The following KCNH5 variants were observed in gnomAD, a reference collection of about 807,000 sequenced individuals.
KCNH5 encodes voltage-gated delayed rectifier potassium channel KCNH5.
KCNH5 carries 46 observed loss-of-function variants against 96.1 expected under a neutral mutation model. The observed-to-expected ratio is 0.48, with a 90% CI of 0.38 to 0.61. The LOEUF (loss-of-function observed/expected upper bound fraction) is 0.61. KCNH5 is among the 20% of genes least tolerant of loss of function. The pLI, the probability that KCNH5 is intolerant of heterozygous loss-of-function variation, is 0.00. For synonymous variants in KCNH5, 439 were observed against 449.8 expected (o/e 0.98, Z 0.30); for missense variants, 907 against 1,225.8 (o/e 0.74, Z 3.88).
At position 62,699,844 on chromosome 14, in the gene KCNH5, AG is replaced by A. The variant is rs1398407033; in HGVS notation, c.*7663del. The A allele has an allele frequency of 1.1e-4, 17 of 152,210 alleles. No homozygotes were observed. The highest frequency in any genetic ancestry group is 2.9e-5 in the Non-Finnish European group (2 of 68,022). The allele number at this position is 152,210 out of a possible 1,614,324, so 9.4% of individuals were successfully genotyped here. A position where few individuals can be genotyped will look rare whatever the true frequency, so the allele number is the denominator to read the frequency against. ...CAGTATCTTTGTTTAAGTAGAAAAA[AG>A]GATCTGCTTAGCATGAATCAGATTT... On this transcript the variant is annotated 3_prime_UTR_variant, in exon 11 of 11. Transcript: ENST00000322893.
At chr14:62,716,838 AG>A (rs1245794812) in intron 10 of KCNH5, among the ~76,000 whole-genome samples, 1 of 152,212 alleles carries the variant, frequency 6.6e-6, no homozygotes, top group Non-Finnish European at 1.5e-5. Flanking sequence ...TATCCAGAAT[AG>A]AAAGGAAGAA....
chr14:62,856,139 T>C (rs1057259029), intron 7 of KCNH5, among the ~76,000 whole-genome samples: 2 of 152,226 alleles, frequency 1.3e-5, no homozygotes, highest in African/African-American at 2.4e-5. Context: ...AGAAAAATCA[T>C]GTTAAGCTAA....
At chr14:62,961,709 G>T (rs561039186) in intron 6 of KCNH5, among the ~76,000 whole-genome samples, 8 of 152,254 alleles carry the variant, frequency 5.3e-5, no homozygotes, top group African/African-American at 1.7e-4. Flanking sequence ...TGGAGATGGA[G>T]ATATGGAAAT....
At chr14:63,016,260 A>G (rs1437057882) in intron 2 of KCNH5, among the ~76,000 whole-genome samples, 1 of 151,772 alleles carries the variant, frequency 6.6e-6, no homozygotes, top group Non-Finnish European at 1.5e-5. Context: ...TTTTTTCTTA[A>G]TATTCTCTTT....
At position 62,707,906 on chromosome 14, in the gene KCNH5, G is replaced by T; in HGVS notation, c.2569C>A (p.Pro857Thr). 6.2e-7 allele frequency: 1 copy of T among 1,614,100 alleles called. No individual in the cohort carries two copies. The highest frequency in any genetic ancestry group is 8.5e-7 in the Non-Finnish European group (1 of 1,180,024). Residue 857 changes from proline (P) to threonine (T), a missense_variant, in exon 11 of 11, where the codon CCA becomes ACA. Around this residue, in one of 6 missense-constraint regions of KCNH5, gnomAD observed 362 missense variants for 394.4 expected, o/e 0.92. Transcript: ENST00000322893. ...TCACAAGAATCTGTTTTTCTTAGTGGGTTTTTGGTCACACTGTTCTCTGAA... is the reference window on the plus strand; with the variant it reads ...TCACAAGAATCTGTTTTTCTTAGTGTGTTTTTGGTCACACTGTTCTCTGAA... Reference protein sequence around the residue: ...SDSENSVTKNPLRKTDSCDSG... With the variant: ...SDSENSVTKNTLRKTDSCDSG...
intron 7 of KCNH5, among the ~76,000 whole-genome samples, chr14:62,901,974 G>C (rs117812335): frequency 0.014 from 2,105 of 152,304 alleles, 27 homozygotes; most frequent in Non-Finnish European, 0.017. Context: ...CTGATGATCA[G>C]AGGTGTGGCA....
intron 1 of KCNH5, among the ~76,000 whole-genome samples, chr14:63,021,844 T>C (rs1034955843): frequency 2.0e-5 from 3 of 152,194 alleles, no homozygotes; most frequent in Non-Finnish European, 2.9e-5. Context: ...CATTCACTTG[T>C]TTCTCTGAAC....
intron 8 of KCNH5, among the ~76,000 whole-genome samples, chr14:62,842,487 T>C (rs1234409613): frequency 6.6e-6 from 1 of 152,276 alleles, no homozygotes; most frequent in Non-Finnish European, 1.5e-5. Context: ...TTAAGTTCTC[T>C]GATTACGTTT....
At chr14:62,902,783 G>A (rs746853782) in intron 7 of KCNH5, among the ~76,000 whole-genome samples, 40 of 150,808 alleles carry the variant, frequency 2.7e-4, no homozygotes, top group Non-Finnish European at 5.5e-4. Context: ...GCAATGGCAC[G>A]ATCTCGGCTC....
intron 10 of KCNH5, among the ~76,000 whole-genome samples, chr14:62,728,946 T>C (rs1158712946): frequency 2.6e-5 from 4 of 152,260 alleles, no homozygotes; most frequent in Non-Finnish European, 5.9e-5. Flanking sequence ...TTCTATAATA[T>C]GTACTTGAAG....
rs1884426036 is a variant in KCNH5 at position 62,706,133 on chromosome 14, CTTT to C, written c.*1372_*1374del. 1 of 152,024 alleles carries C rather than the reference CTTT, an allele frequency of 6.6e-6. No individual in the cohort carries two copies. Among genetic ancestry groups the C allele is most frequent in the Non-Finnish European group, 1.5e-5 (1 of 67,932 alleles). The allele number at this position is 152,024 out of a possible 1,614,324, so 9.4% of individuals were successfully genotyped here. A position where few individuals can be genotyped will look rare whatever the true frequency, so the allele number is the denominator to read the frequency against. ...CTATATACAGGACAACTCTTTGTGA[CTTT>C]TTTTAAAAACTTGATAATAGGCACT... On this transcript the variant is annotated 3_prime_UTR_variant, in exon 11 of 11. Transcript: ENST00000322893.
intron 7 of KCNH5, among the ~76,000 whole-genome samples, chr14:62,900,197 T>G (rs552483625): frequency 5.3e-5 from 8 of 152,300 alleles, no homozygotes; most frequent in Non-Finnish European, 1.2e-4. Context: ...ACAGAATAAT[T>G]GTCAACAATT....
In KCNH5 at chr14:62,864,261, G is replaced by A. The variant is rs941620666; in HGVS notation, c.1370-14409C>T. ...CTGAATAATTTTTAGATAAAGAATA[G>A]GTACTTATATTTTTCAGAAAAGTAG... On this transcript the variant is annotated intron_variant, in intron 7 of 10. Transcript: ENST00000322893. 1.4e-4 allele frequency among the ~76,000 whole-genome samples: 22 copies of A among 152,216 alleles called. No individual in the cohort carries two copies. The Middle Eastern group carries it at 0.01, about 71-fold the overall frequency.
At chr14:62,968,169 G>C (rs553150479) in intron 6 of KCNH5, among the ~76,000 whole-genome samples, 1 of 152,152 alleles carries the variant, frequency 6.6e-6, no homozygotes, top group Non-Finnish European at 1.5e-5. Flanking sequence ...ACCAGGAATA[G>C]AATTTAAAAG....
intron 8 of KCNH5, among the ~76,000 whole-genome samples, chr14:62,836,510 T>C (rs1887469964): frequency 6.6e-6 from 1 of 152,250 alleles, no homozygotes; most frequent in Middle Eastern, 3.4e-3. Flanking sequence ...ATCACTCTAA[T>C]TATAACATAT....
intron 4 of KCNH5, among the ~76,000 whole-genome samples, chr14:62,990,936 C>A (rs887221182): frequency 3.3e-5 from 5 of 152,024 alleles, no homozygotes; most frequent in Admixed American, 2.0e-4. Context: ...CATCAGATCT[C>A]AGAGAATTTA....
intron 10 of KCNH5, among the ~76,000 whole-genome samples, chr14:62,727,064 A>G (rs751024426): frequency 1.6e-4 from 25 of 152,150 alleles, no homozygotes; most frequent in Non-Finnish European, 2.8e-4. Flanking sequence ...AATGGATCTA[A>G]AGTGTTAAAA....
chr14:62,708,835 T>C (rs1002766404), intron 10 of KCNH5, among the ~76,000 whole-genome samples: 5 of 152,226 alleles, frequency 3.3e-5, no homozygotes, highest in Non-Finnish European at 7.3e-5. Flanking sequence ...TATGTATATA[T>C]GTGTATACAT....
chr14:62,948,428 T>G (rs1017032842), intron 7 of KCNH5, among the ~76,000 whole-genome samples: 1 of 151,896 alleles, frequency 6.6e-6, no homozygotes, highest in Non-Finnish European at 1.5e-5. Flanking sequence ...ATAAATTCCT[T>G]GACACATACA....
Sources: gnomAD v4.1 joint callset for allele counts (sites outside exome capture counted in the v4.1 genomes callset) on GRCh38, gnomAD v4.1.1 for gene constraint, gnomAD v4.1.1 regional missense constraint, MANE v1.5 for transcripts, NCBI Gene and HGNC (gene_info 2026-07-23, HGNC 2026-07-21) for gene names.